The following PLEKHH2 variants were observed in gnomAD, a reference collection of about 807,000 sequenced individuals.
PLEKHH2 encodes pleckstrin homology, MyTH4 and FERM domain containing H2.
PLEKHH2 carries 129 observed loss-of-function variants against 187.9 expected under a neutral mutation model. The observed-to-expected ratio is 0.69, with a 90% CI of 0.59 to 0.79. The LOEUF (loss-of-function observed/expected upper bound fraction) is 0.79, where lower values mean the gene tolerates loss of function less well. Among genes scored for constraint, PLEKHH2 ranks in the 30% least tolerant of loss-of-function variants. PLEKHH2 has a pLI of 0.00. For missense variants in PLEKHH2, 2,076 were observed against 1,751.2 expected, an observed-to-expected ratio of 1.19 and a Z score of -3.31; for synonymous variants, 686 against 605.6, an observed-to-expected ratio of 1.13 and a Z score of -1.95.
intron 2 of PLEKHH2, among the ~76,000 whole-genome samples, chr2:43,660,466 AATTT>A (rs1667010861): frequency 7.5e-6 from 1 of 133,516 alleles, no homozygotes; most frequent in Admixed American, 7.5e-5. Context: ...CCAATTAAGG[AATTT>A]ATTTTTTTTT....
chr2:43,709,679 T>C (rs1333256145), intron 11 of PLEKHH2, among the ~76,000 whole-genome samples: 2 of 152,050 alleles, frequency 1.3e-5, no homozygotes, highest in Non-Finnish European at 2.9e-5. Context: ...CTACTAAAGA[T>C]ACAAAAATTA....
In PLEKHH2 at chr2:43,710,126, T is replaced by A; in HGVS notation, c.2103T>A (p.Asn701Lys). 3 of 1,611,284 alleles carry A rather than the reference T, an allele frequency of 1.9e-6. No homozygotes were observed. Among genetic ancestry groups the A allele is most frequent in the Non-Finnish European group, 2.5e-6 (3 of 1,179,134 alleles). ...CATCTTCCAGTGATAATGGGAAAAA[T>A]GTAAATATTGAATATGATTTTTAAA... is the stretch of plus-strand genomic sequence containing the variant. ...TCSSSSDNGK[N>K]EPLEKSGYLL... Residue 701 changes from asparagine (N) to lysine (K), a missense_variant and splice_region_variant, in exon 12 of 30, where the codon AAT (asparagine) becomes AAA (lysine). Transcript: ENST00000282406.
intron 9 of PLEKHH2, 38 bp from the exon 10 acceptor site, chr2:43,706,284 A>C: frequency 1.4e-6 from 2 of 1,414,650 alleles, no homozygotes. Context: ...GCTAATTAGA[A>C]GTTTTTTAAA....
At chr2:43,703,027 T>A (rs774338204) in intron 8 of PLEKHH2, among the ~76,000 whole-genome samples, 1 of 152,176 alleles carries the variant, frequency 6.6e-6, no homozygotes, top group Non-Finnish European at 1.5e-5. Context: ...GCTGTTTGTG[T>A]GTGGGTGTAT....
Position 43,710,856 on chromosome 2 carries a change from C to G in PLEKHH2, c.2301+281C>G, listed in dbSNP as rs184793665. The G allele has an allele frequency of 2.0e-5, 23 of 1,174,300 alleles. No homozygotes were observed. In the African/African-American group the frequency reaches 3.7e-4, roughly 19 times the overall value. 72.7% of individuals were successfully genotyped at this position (1,174,300 alleles called of 1,614,324 possible). A position where few individuals can be genotyped will look rare whatever the true frequency, so the allele number is the denominator to read the frequency against. On this transcript the variant is annotated intron_variant, in intron 14 of 29. Coordinates refer to ENST00000282406, the MANE Select transcript of PLEKHH2 (RefSeq NM_172069.4). ...CTCCTAGGTATTTTCAGCTGTCCAA[C>G]TGTGAAGCTATTTTAAGGAAGGGTT...
At chr2:43,729,120 TA>T (rs1478733601) in intron 17 of PLEKHH2, among the ~76,000 whole-genome samples, 2 of 152,176 alleles carry the variant, frequency 1.3e-5, no homozygotes, top group Non-Finnish European at 2.9e-5. Flanking sequence ...ACTATATTAC[TA>T]AAATTCAGAA....
chr2:43,759,025 C>G lies in PLEKHH2; in HGVS notation c.4067C>G (p.Ala1356Gly). The G allele has an allele frequency of 6.2e-7, 1 of 1,611,446 alleles. No homozygotes were observed. The highest frequency in any genetic ancestry group is 8.5e-7 in the Non-Finnish European group (1 of 1,178,234). ...WPFFGAKLFLAKPITPSSLGS... is the reference protein window; with the variant it reads ...WPFFGAKLFLGKPITPSSLGS... ...TTCTTTGGTGCCAAGTTGTTTCTTG[C>G]AAAAGTAAGAAAGAATGGGAGAGAG... Residue 1356 changes from alanine to glycine, a missense_variant, in exon 27 of 30, where the codon GCA becomes GGA. Transcript: ENST00000282406.
At chr2:43,673,263 A>C (rs2104406870) in intron 2 of PLEKHH2, among the ~76,000 whole-genome samples, 1 of 152,228 alleles carries the variant, frequency 6.6e-6, no homozygotes, top group Admixed American at 6.5e-5. Flanking sequence ...CCATCCATAA[A>C]AATTTGTAAT....
At chr2:43,755,360 G>A (rs754934171) in intron 25 of PLEKHH2, among the ~76,000 whole-genome samples, 5 of 152,074 alleles carry the variant, frequency 3.3e-5, no homozygotes, top group Non-Finnish European at 7.4e-5. Flanking sequence ...AACTCTTAGG[G>A]ATGTTTTAGT....
intron 15 of PLEKHH2, among the ~76,000 whole-genome samples, chr2:43,717,885 C>T (rs1670288891): frequency 6.6e-6 from 1 of 152,194 alleles, no homozygotes; most frequent in Non-Finnish European, 1.5e-5. Flanking sequence ...CCTGGCACAT[C>T]ATAAACACAC....
intron 2 of PLEKHH2, among the ~76,000 whole-genome samples, chr2:43,656,790 G>C (rs1666790507): frequency 6.6e-6 from 1 of 152,214 alleles, no homozygotes; most frequent in Non-Finnish European, 1.5e-5. Flanking sequence ...GGCTGAGGCG[G>C]GTGGATCACC....
chr2:43,697,993 T>C (rs1669171564), intron 7 of PLEKHH2, among the ~76,000 whole-genome samples: 1 of 152,210 alleles, frequency 6.6e-6, no homozygotes, highest in Non-Finnish European at 1.5e-5. Context: ...AAATTTTGCT[T>C]TGTTGTAGCT....
chr2:43,684,606 A>T (rs1330976509), intron 3 of PLEKHH2, among the ~76,000 whole-genome samples: 3 of 152,034 alleles, frequency 2.0e-5, no homozygotes, highest in African/African-American at 7.2e-5. Context: ...TTAAAAAAGG[A>T]TCCTTGTTCC....
chr2:43,693,723 C>CAAAAAAAAGAAA (rs1668948787), intron 4 of PLEKHH2, among the ~76,000 whole-genome samples: 1 of 69,708 alleles, frequency 1.4e-5, no homozygotes, highest in Admixed American at 1.7e-4. Context: ...GACTCCATCT[C>CAAAAAAAAGAAA]AAAAAAAAAA....
chr2:43,657,993 T>A (rs1251918337), intron 2 of PLEKHH2, among the ~76,000 whole-genome samples: 1 of 152,234 alleles, frequency 6.6e-6, no homozygotes, highest in Non-Finnish European at 1.5e-5. Flanking sequence ...GAAGGTAAAG[T>A]TAACACAATA....
In PLEKHH2 at chr2:43,766,188, C is replaced by A. The variant is rs916551710; in HGVS notation, c.*590C>A. ...GAGAAAGCAGGATAACATTAGGTAA[C>A]CTGAGCCTCCTGTGTGGTATTAGAA... On this transcript the variant is annotated 3_prime_UTR_variant, in exon 30 of 30. Transcript: ENST00000282406. 4 of 152,764 alleles carry A rather than the reference C, an allele frequency of 2.6e-5. No individual in the cohort carries two copies. Among genetic ancestry groups the A allele is most frequent in the African/African-American group, 9.7e-5 (4 of 41,428 alleles). The allele number at this position is 152,764 out of a possible 1,614,324, so 9.5% of individuals were successfully genotyped here.
At chr2:43,650,295 G>A (rs1251691397) in intron 2 of PLEKHH2, among the ~76,000 whole-genome samples, 3 of 151,730 alleles carry the variant, frequency 2.0e-5, no homozygotes, top group African/African-American at 7.3e-5. Context: ...ACCATGCCCA[G>A]CTAATTTTTG....
rs1203700464 is a variant in PLEKHH2 at position 43,691,538 on chromosome 2, G to T, written c.187-976G>T. Among the ~76,000 whole-genome samples, 7 of 152,334 alleles carry T rather than the reference G, an allele frequency of 4.6e-5. No homozygotes were observed. The East Asian group carries it at 1.3e-3, about 29-fold the overall frequency. On this transcript the variant is annotated intron_variant, in intron 3 of 29. Coordinates refer to ENST00000282406, the MANE Select transcript of PLEKHH2 (RefSeq NM_172069.4). Reference sequence around the variant, plus strand: ...GAAAGTGTGCCAAACGGGAAGGCAGGTTCTCAATCTGGTTCAAGGATTTAC... The same window carrying T: ...GAAAGTGTGCCAAACGGGAAGGCAGTTTCTCAATCTGGTTCAAGGATTTAC...
At position 43,736,790 on chromosome 2, in the gene PLEKHH2, C is replaced by T. The variant is rs564607666; in HGVS notation, c.2944-1551C>T. ...AGAAGTTGCGCTGAGCTCTGTTCTCCAGCCTGGGCAACAGAGCAAGACTCC... is the reference window on the plus strand; with the variant it reads ...AGAAGTTGCGCTGAGCTCTGTTCTCTAGCCTGGGCAACAGAGCAAGACTCC... On this transcript the variant is annotated intron_variant, in intron 19 of 29. Transcript: ENST00000282406. 6.6e-5 allele frequency among the ~76,000 whole-genome samples: 10 copies of T among 152,156 alleles called. No homozygotes were observed. The East Asian group carries it at 1.7e-3, about 26-fold the overall frequency.
Sources: gnomAD v4.1 joint callset for allele counts (sites outside exome capture counted in the v4.1 genomes callset) on GRCh38, gnomAD v4.1.1 for gene constraint, MANE v1.5 for transcripts, NCBI Gene and HGNC (gene_info 2026-07-23, HGNC 2026-07-21) for gene names.